Variants in MAP3K14 observed in about 807,000 individuals in gnomAD.
MAP3K14 encodes the protein NF-kappa-beta-inducing kinase.
In MAP3K14, 16 loss-of-function variants were observed where a neutral mutation model predicts 99.2. The ratio of observed to expected loss-of-function variants is 0.16; its 90% CI spans 0.11 to 0.24. The LOEUF (loss-of-function observed/expected upper bound fraction) is 0.24. Ranked by LOEUF, MAP3K14 falls within the 10% of genes least tolerant of loss-of-function variation. MAP3K14 has a pLI of 1.00. For synonymous variants in MAP3K14, 462 were observed against 492.4 expected, an observed-to-expected ratio of 0.94 and a Z score of 0.82; for missense variants, 784 against 1,208.7, an observed-to-expected ratio of 0.65 and a Z score of 5.21.
At position 45,263,561 on chromosome 17, in the gene MAP3K14, A is replaced by ACTGCC. The variant is rs527376368; in HGVS notation, c.*1070_*1074dup. On this transcript the variant is annotated 3_prime_UTR_variant, in exon 16 of 16. Coordinates refer to ENST00000344686, the MANE Select transcript of MAP3K14 (RefSeq NM_003954.5). ...TGGCTTGCTATGCTCCTACAGTGTC[A>ACTGCC]CTGCCCTGCCCTGCCCTGCCAGAGG... The ACTGCC allele has an allele frequency of 5.9e-5, 9 of 152,800 alleles. No individual in the cohort carries two copies. The highest frequency in any genetic ancestry group is 2.2e-4 in the African/African-American group (9 of 41,560). The allele number at this position is 152,800 out of a possible 1,614,324, so 9.5% of individuals were successfully genotyped here.
chr17:45,309,281 C>T (rs763893252), intron 1 of MAP3K14, among the ~76,000 whole-genome samples: 5 of 152,232 alleles, frequency 3.3e-5, no homozygotes, highest in African/African-American at 9.6e-5. Context: ...CACCCAGGCA[C>T]CTGCAGAATC....
chr17:45,306,267 G>A (rs369377230), intron 1 of MAP3K14, among the ~76,000 whole-genome samples: 3 of 152,180 alleles, frequency 2.0e-5, no homozygotes, highest in East Asian at 1.9e-4. Context: ...TTGCACAAGA[G>A]ACTTTTATGT....
intron 6 of MAP3K14, 115 bp downstream of exon 6, chr17:45,284,697 G>A (rs1334595417): frequency 1.5e-6 from 2 of 1,364,762 alleles, no homozygotes; most frequent in African/African-American, 2.9e-5. Flanking sequence ...GCCAAGTTCT[G>A]TTCACAAGTC....
intron 8 of MAP3K14, chr17:45,273,907 C>G: frequency 1.5e-6 from 1 of 677,472 alleles, no homozygotes; most frequent in South Asian, 1.9e-5. Context: ...GGAGCTTGAC[C>G]TTCGGTTCTC....
chr17:45,268,321 CCCAT>C (rs2044113577), intron 11 of MAP3K14: 1 of 152,218 alleles, frequency 6.6e-6, no homozygotes, highest in African/African-American at 2.4e-5. Context: ...CTTTTTTGTG[CCCAT>C]CCCTCAGGTG....
chr17:45,272,307 C>T lies in MAP3K14; in HGVS notation c.1658-1086G>A, dbSNP rs567501557. Among the ~76,000 whole-genome samples the T allele has an allele frequency of 1.4e-3, 209 of 152,160 alleles. No homozygotes were observed. The highest frequency in any genetic ancestry group is 2.5e-3 in the Non-Finnish European group (170 of 68,010). On this transcript the variant is annotated intron_variant, in intron 9 of 15. Transcript: ENST00000344686. The surrounding 1 kb of genome is among the most constrained non-coding windows in gnomAD (Gnocchi z 4.1). The stretch of plus-strand genomic sequence containing the variant: ...AGCTACTGCACTCCAGCCTGGGTGA[C>T]AGAGCAAGACTCTGTCTCTAAAAAA...
intron 1 of MAP3K14, among the ~76,000 whole-genome samples, chr17:45,309,222 C>G (rs901543228): frequency 3.9e-5 from 6 of 152,230 alleles, no homozygotes; most frequent in African/African-American, 1.4e-4. Flanking sequence ...CCGCTCCAAG[C>G]TGACAAGTGG....
chr17:45,299,708 T>G (rs1356285907), intron 1 of MAP3K14, among the ~76,000 whole-genome samples: 1 of 152,170 alleles, frequency 6.6e-6, no homozygotes, highest in African/African-American at 2.4e-5. Flanking sequence ...CATTTCCCAT[T>G]AAGGAGGATA....
chr17:45,277,964 G>C (rs1049911605), intron 6 of MAP3K14, among the ~76,000 whole-genome samples: 1 of 152,132 alleles, frequency 6.6e-6, no homozygotes, highest in African/African-American at 2.4e-5. Flanking sequence ...ATAATCTGGC[G>C]GTTTGGAAAT....
At chr17:45,278,602 A>G (rs2044196959) in intron 6 of MAP3K14, among the ~76,000 whole-genome samples, 1 of 152,104 alleles carries the variant, frequency 6.6e-6, no homozygotes, top group Admixed American at 6.6e-5. Context: ...AAGAGATCAC[A>G]GCAGCGCTTT....
intron 1 of MAP3K14, among the ~76,000 whole-genome samples, chr17:45,315,289 C>T (rs892132404): frequency 6.6e-6 from 1 of 152,064 alleles, no homozygotes; most frequent in African/African-American, 2.4e-5. Flanking sequence ...TGACAAAAAA[C>T]CCCCTTCAGA....
intron 13 of MAP3K14, 42 bp from the exon 14 acceptor site, chr17:45,266,723 C>T: frequency 1.3e-6 from 2 of 1,573,596 alleles, no homozygotes; most frequent in Non-Finnish European, 1.7e-6. Flanking sequence ...GCCCTGGGCT[C>T]CAGGATCCAT....
intron 13 of MAP3K14, 129 bp from the exon 14 acceptor site, chr17:45,266,810 TG>T: frequency 1.9e-6 from 2 of 1,035,874 alleles, no homozygotes; most frequent in Non-Finnish European, 2.8e-6. Context: ...GTTGCCTCCA[TG>T]GGGGACGAAG....
Position 45,266,446 on chromosome 17 carries a change from AG to A in MAP3K14, c.2578+90del, listed in dbSNP as rs1485866525. ...GCCTTCCTCCCTCCCACTGTGCCAG[AG>A]GAGGGGAGACAAAATCCCTCAATGG... On this transcript the variant is annotated intron_variant, in intron 14 of 15. Transcript: ENST00000344686. The A allele has an allele frequency of 3.1e-5, 46 of 1,471,500 alleles. No homozygotes were observed. In the East Asian group the frequency reaches 1.1e-3, roughly 34 times the overall value. The allele number at this position is 1,471,500 out of a possible 1,614,324, so 91.2% of individuals were successfully genotyped here. A position where few individuals can be genotyped will look rare whatever the true frequency, so the allele number is the denominator to read the frequency against.
intron 1 of MAP3K14, among the ~76,000 whole-genome samples, chr17:45,313,939 C>T (rs751153713): frequency 2.0e-5 from 3 of 152,102 alleles, no homozygotes; most frequent in African/African-American, 7.2e-5. Context: ...GATCTTTGTC[C>T]CTGCCCTTCT....
At chr17:45,294,605 A>G (rs1335084775) in intron 1 of MAP3K14, among the ~76,000 whole-genome samples, 1 of 152,228 alleles carries the variant, frequency 6.6e-6, no homozygotes, top group Non-Finnish European at 1.5e-5. Context: ...ACTCCGAGGA[A>G]AAGCTCTCCA....
At chr17:45,280,398 G>C (rs904934246) in intron 6 of MAP3K14, among the ~76,000 whole-genome samples, 2 of 150,490 alleles carry the variant, frequency 1.3e-5, no homozygotes, top group Non-Finnish European at 2.9e-5. Flanking sequence ...CCGCCTCCTG[G>C]GTTCAAGCGA....
intron 1 of MAP3K14, among the ~76,000 whole-genome samples, chr17:45,304,724 T>A (rs1378742501): frequency 6.6e-6 from 1 of 152,162 alleles, no homozygotes; most frequent in East Asian, 1.9e-4. Context: ...TCAGAGGTAA[T>A]TTCTTCCAAC....
chr17:45,277,381 C>T lies in MAP3K14; in HGVS notation c.1291-2788G>A, dbSNP rs564272129. On this transcript the variant is annotated intron_variant, in intron 6 of 15. Coordinates refer to ENST00000344686, the MANE Select transcript of MAP3K14 (RefSeq NM_003954.5). ...AGCCTTGAGTAGCATCGCCAGGGGGCGCTGGCAGTAACAGAACCAGCTTGG... is the reference window on the plus strand; with the variant it reads ...AGCCTTGAGTAGCATCGCCAGGGGGTGCTGGCAGTAACAGAACCAGCTTGG... Among the ~76,000 whole-genome samples, 176 of 152,252 alleles carry T rather than the reference C, an allele frequency of 1.2e-3. 2 individuals are homozygous for T. The highest frequency in any genetic ancestry group is 4.1e-3 in the African/African-American group (172 of 41,548).
Sources: gnomAD v4.1 joint callset for allele counts (sites outside exome capture counted in the v4.1 genomes callset) on GRCh38, gnomAD v4.1.1 for gene constraint, Gnocchi (gnomAD v3.1) non-coding constraint, MANE v1.5 for transcripts, NCBI Gene and HGNC (gene_info 2026-07-23, HGNC 2026-07-21) for gene names.